The following TDRD5 variants were observed in gnomAD, a reference collection of about 807,000 sequenced individuals.
The protein encoded by TDRD5 is tudor domain-containing protein 5.
TDRD5 carries 41 observed loss-of-function variants against 120.6 expected under a neutral mutation model. The observed-to-expected ratio is 0.34, with a 90% CI of 0.26 to 0.44. TDRD5 has a LOEUF of 0.44. TDRD5 is among the 20% of genes least tolerant of loss of function. TDRD5 has a pLI of 1.00. For missense variants in TDRD5, 1,006 were observed against 1,221.2 expected, an observed-to-expected ratio of 0.82 and a Z score of 2.63; for synonymous variants, 430 against 433.7, an observed-to-expected ratio of 0.99 and a Z score of 0.11.
In TDRD5 at chr1:179,605,589, T is replaced by G. The variant is rs527256568; in HGVS notation, c.831+9771T>G. Among the ~76,000 whole-genome samples, 4 of 152,260 alleles carry G rather than the reference T, an allele frequency of 2.6e-5. No individual in the cohort carries two copies. In the South Asian group the frequency reaches 8.3e-4, roughly 32 times the overall value. On this transcript the variant is annotated intron_variant, in intron 4 of 17. Transcript: ENST00000444136. Reference sequence around the variant, plus strand: ...GTAGTGTCATACTGAATAGTTGCACTCCCCTAAAAGTCCTCTGTGCTTGCG... The same window carrying G: ...GTAGTGTCATACTGAATAGTTGCACGCCCCTAAAAGTCCTCTGTGCTTGCG...
rs981418553 is a variant in TDRD5, at chr1:179,630,698, G to T, written c.973-69G>T. 5.2e-5 allele frequency: 79 copies of T among 1,506,556 alleles called. 1 individual carries two copies. The South Asian group carries it at 7.8e-4, about 15-fold the overall frequency. 93.3% of individuals were successfully genotyped at this position (1,506,556 alleles called of 1,614,324 possible). On this transcript the variant is annotated intron_variant, in intron 6 of 17. Transcript: ENST00000444136. ...TTTAAGATTTAGTTTGGTTGTCCAAGGACAACTATATATGTTATATATCTG... is the reference window on the plus strand; with the variant it reads ...TTTAAGATTTAGTTTGGTTGTCCAATGACAACTATATATGTTATATATCTG...
At chr1:179,675,283 T>A (rs1003828044) in intron 17 of TDRD5, among the ~76,000 whole-genome samples, 10 of 125,698 alleles carry the variant, frequency 8.0e-5, no homozygotes, top group African/African-American at 2.8e-4. Flanking sequence ...ATTTTTTTTT[T>A]TTTTTTTTTT....
In TDRD5 at chr1:179,690,948, GGGAGGGA is replaced by G. The variant is rs755826350; in HGVS notation, c.*14_*20del. ...GTGAAAAGGATGGAAGCATGAGGGA[GGGAGGGA>G]GGAGGGAGAAAAACAGAATCCAGCC... On this transcript the variant is annotated 3_prime_UTR_variant, in exon 18 of 18. Transcript: ENST00000444136. 1.4e-5 allele frequency: 22 copies of G among 1,605,468 alleles called. No homozygotes were observed. The highest frequency in any genetic ancestry group is 1.5e-5 in the Non-Finnish European group (18 of 1,174,522).
rs774275509 is a variant in TDRD5, at chr1:179,635,822, A to G, written c.1455A>G (p.Gln485=). ...TGGAGTATATCATCTCTCCTAGTCA[A>G]TTCTACATCCGGATCTATAGCAGGG... ...VFVEYIISPS[Q]FYIRIYSRDS... Residue 485 remains glutamine, a synonymous_variant, in exon 9 of 18, where the codon CAA becomes CAG. Transcript: ENST00000444136. 5.0e-6 allele frequency: 8 copies of G among 1,613,878 alleles called. No individual in the cohort carries two copies. The South Asian group carries it at 7.7e-5, about 16-fold the overall frequency.
intron 4 of TDRD5, among the ~76,000 whole-genome samples, chr1:179,615,820 C>G (rs1371214623): frequency 6.6e-6 from 1 of 150,886 alleles, no homozygotes; most frequent in Non-Finnish European, 1.5e-5. Flanking sequence ...CTATTCCTAG[C>G]TAAAAGCTCA....
chr1:179,599,057 AT>A lies in TDRD5; in HGVS notation c.831+3246del, dbSNP rs1264864360. Among the ~76,000 whole-genome samples, 24 of 151,948 alleles carry A rather than the reference AT, an allele frequency of 1.6e-4. 1 individual carries two copies. The East Asian group carries it at 4.4e-3, about 28-fold the overall frequency. On this transcript the variant is annotated intron_variant, in intron 4 of 17. Coordinates refer to ENST00000444136, the MANE Select transcript of TDRD5 (RefSeq NM_001199085.3). ...TCCCTCCTATTCCTAGTTTCTCAGA[AT>A]TTTTTTCCTGAATGTATGTTGAATT...
At chr1:179,620,410 TG>T (rs1432045670) in intron 5 of TDRD5, among the ~76,000 whole-genome samples, 2 of 152,114 alleles carry the variant, frequency 1.3e-5, no homozygotes, top group Non-Finnish European at 2.9e-5. Context: ...TTACAATATT[TG>T]GGATGAAAAA....
At chr1:179,659,124 G>T (rs1376841080) in intron 14 of TDRD5, among the ~76,000 whole-genome samples, 1 of 152,064 alleles carries the variant, frequency 6.6e-6, no homozygotes, top group Non-Finnish European at 1.5e-5. Flanking sequence ...TATGATTTCA[G>T]TTCTTTAAAT....
chr1:179,667,165 T>C (rs1365153619), intron 16 of TDRD5, among the ~76,000 whole-genome samples: 1 of 152,226 alleles, frequency 6.6e-6, no homozygotes, highest in Non-Finnish European at 1.5e-5. Context: ...TTTTGAGTAG[T>C]AAGGCTCTAG....
At chr1:179,608,056 A>T (rs1676073274) in intron 4 of TDRD5, among the ~76,000 whole-genome samples, 1 of 152,012 alleles carries the variant, frequency 6.6e-6, no homozygotes. Flanking sequence ...TTCCAGGTAT[A>T]GAATTCTATC....
At chr1:179,628,420 T>A (rs1442629928) in intron 6 of TDRD5, among the ~76,000 whole-genome samples, 5 of 135,488 alleles carry the variant, frequency 3.7e-5, no homozygotes, top group Non-Finnish European at 7.7e-5. Context: ...AGCCTCAGCC[T>A]CCCAAGTAGC....
chr1:179,646,580 C>T (rs138157767), intron 11 of TDRD5, among the ~76,000 whole-genome samples: 1 of 146,162 alleles, frequency 6.8e-6, no homozygotes, highest in Non-Finnish European at 1.5e-5. Flanking sequence ...TCCTATTCAA[C>T]ATAGTGTTGG....
chr1:179,656,197 TC>T (rs1678997943), intron 14 of TDRD5, among the ~76,000 whole-genome samples: 1 of 152,238 alleles, frequency 6.6e-6, no homozygotes. Flanking sequence ...ATGTTGAACA[TC>T]TTTTCATGTG....
At chr1:179,613,216 C>G (rs1572346278) in intron 4 of TDRD5, among the ~76,000 whole-genome samples, 1 of 152,218 alleles carries the variant, frequency 6.6e-6, no homozygotes. Context: ...GATAACCTGA[C>G]TCAACTGTAG....
At chr1:179,671,375 T>G (rs953714265) in intron 17 of TDRD5, among the ~76,000 whole-genome samples, 2 of 152,222 alleles carry the variant, frequency 1.3e-5, no homozygotes, top group Non-Finnish European at 2.9e-5. Flanking sequence ...CAAAGCCTGC[T>G]AAGATTTTGA....
At chr1:179,645,137 G>A (rs1459338464) in intron 11 of TDRD5, among the ~76,000 whole-genome samples, 39 of 129,098 alleles carry the variant, frequency 3.0e-4, no homozygotes, top group African/African-American at 1.2e-3. Context: ...CCAGGCTGGA[G>A]TGCAGTGGCG....
chr1:179,640,346 G>T (rs1677979099), intron 10 of TDRD5, 33 bp from the exon 11 acceptor site: 2 of 1,612,154 alleles, frequency 1.2e-6, no homozygotes, highest in Non-Finnish European at 1.7e-6. Context: ...ATAGCAGGAA[G>T]ATTGAACTTA....
chr1:179,637,077 T>A (rs1045154407), intron 9 of TDRD5, among the ~76,000 whole-genome samples: 2 of 152,250 alleles, frequency 1.3e-5, no homozygotes, highest in Admixed American at 1.3e-4. Context: ...CCACTTTAGA[T>A]TTATTCATGA....
Position 179,669,256 on chromosome 1 carries a change from C to T in TDRD5, c.2712C>T (p.Thr904=). ...TGCCCAAATTGGAAGAATTCTGTAC[C>T]TCTCTTACCCAGTCAGAGCAGTCAG... ...STLPKLEEFC[T]SLTQSEQSAD... The change falls in exon 17 of 18, where the codon ACC becomes ACT. Residue 904 remains threonine (T), a synonymous_variant. Coordinates refer to ENST00000444136, the MANE Select transcript of TDRD5 (RefSeq NM_001199085.3). 6.2e-7 allele frequency: 1 copy of T among 1,614,114 alleles called. No individual in the cohort carries two copies. The highest frequency in any genetic ancestry group is 8.5e-7 in the Non-Finnish European group (1 of 1,180,028).
Sources: allele counts gnomAD v4.1 joint callset (sites outside exome capture counted in the v4.1 genomes callset), GRCh38; gene constraint gnomAD v4.1.1; transcripts MANE v1.5; gene names NCBI Gene and HGNC (gene_info 2026-07-23, HGNC 2026-07-21).